TNFAIP8: variants seen among roughly 807,000 people sequenced by gnomAD.
TNFAIP8 encodes the protein tumor necrosis factor alpha-induced protein 8.
TNFAIP8 carries 7 observed loss-of-function variants against 13.3 expected under a neutral mutation model. The observed-to-expected ratio is 0.52, with a 90% CI of 0.30 to 0.99. The LOEUF is 0.99. Ranked by LOEUF, TNFAIP8 falls within the 50% of genes least tolerant of loss-of-function variation. The probability of loss-of-function intolerance (pLI) is 0.07; values close to 1 mark genes in which losing one functional copy is unlikely to be tolerated. For synonymous variants in TNFAIP8, 94 were observed against 87.6 expected (o/e 1.07, Z -0.41); for missense variants, 258 against 236.9 (o/e 1.09, Z -0.58).
rs1753097263 is a variant in TNFAIP8, at chr5:119,397,253, T to C, written c.*3872T>C. On this transcript the variant is annotated 3_prime_UTR_variant, in exon 2 of 2. Coordinates refer to ENST00000504771, the MANE Select transcript of TNFAIP8 (RefSeq NM_014350.4). ...TTTAATTTATCCTTGAGATACTTGA[T>C]GAGTGTATATAAGCAGTTGCAATTT... 2.0e-5 allele frequency: 3 copies of C among 152,118 alleles called. No homozygotes were observed. The highest frequency in any genetic ancestry group is 1.3e-4 in the Admixed American group (2 of 15,264). The allele number at this position is 152,118 out of a possible 1,614,324, so 9.4% of individuals were successfully genotyped here. A position where few individuals can be genotyped will look rare whatever the true frequency, so the allele number is the denominator to read the frequency against.
chr5:119,391,042 G>A (rs2112865057), intron 1 of TNFAIP8, among the ~76,000 whole-genome samples: 1 of 150,074 alleles, frequency 6.7e-6, no homozygotes, highest in East Asian at 2.0e-4. Context: ...TGTTGCCCAG[G>A]CTGGTGTCAA....
Position 119,299,630 on chromosome 5 carries a change from C to G in TNFAIP8, c.1+30723C>G, listed in dbSNP as rs541949934. Among the ~76,000 whole-genome samples the G allele has an allele frequency of 6.0e-4, 91 of 152,302 alleles. 1 individual carries two copies. The highest frequency in any genetic ancestry group is 1.3e-3 in the Admixed American group (20 of 15,294). The stretch of plus-strand genomic sequence containing the variant: ...GCTGTGTGCTGGGAGAACCACTGCT[C>G]TCTTCAAAGCTGTCAGACAGGGACT... On this transcript the variant is annotated intron_variant, in intron 1 of 1. Coordinates refer to the TNFAIP8 transcript ENST00000274456.
At chr5:119,368,298 TTGCTTTATGACTTAAAAA>T (rs1751940772) in intron 1 of TNFAIP8, among the ~76,000 whole-genome samples, 1 of 152,164 alleles carries the variant, frequency 6.6e-6, no homozygotes, top group Admixed American at 6.5e-5. Context: ...CCTACAGTTA[TTGCTTTATGACTTAAAAA>T]GTAAGTTCAT....
intron 1 of TNFAIP8, among the ~76,000 whole-genome samples, chr5:119,340,031 C>T (rs1177732020): frequency 6.6e-6 from 1 of 152,136 alleles, no homozygotes; most frequent in African/African-American, 2.4e-5. Flanking sequence ...CTGTCTAGAG[C>T]AGGGGAAGGG....
chr5:119,314,083 C>G lies in TNFAIP8; in HGVS notation c.1+45176C>G, dbSNP rs554692352. Reference sequence around the variant, plus strand: ...TGACACATGCCTGGCATTACAATCCCAGCTACTTGGGTGGCTGAGGCAGGA... The same window carrying G: ...TGACACATGCCTGGCATTACAATCCGAGCTACTTGGGTGGCTGAGGCAGGA... On this transcript the variant is annotated intron_variant, in intron 1 of 1. Transcript: ENST00000274456. 1.2e-4 allele frequency among the ~76,000 whole-genome samples: 19 copies of G among 152,290 alleles called. No homozygotes were observed. In the East Asian group the frequency reaches 3.7e-3, roughly 29 times the overall value.
At chr5:119,353,359 G>A (rs1357465763), upstream of TNFAIP8, among the ~76,000 whole-genome samples, 1 of 152,272 alleles carries the variant, frequency 6.6e-6, no homozygotes, top group East Asian at 1.9e-4. Context: ...GGGAGCCCTA[G>A]AGAATCAGCT....
chr5:119,364,354 C>A (rs1253062311), intron 1 of TNFAIP8, among the ~76,000 whole-genome samples: 1 of 152,146 alleles, frequency 6.6e-6, no homozygotes, highest in Non-Finnish European at 1.5e-5. Flanking sequence ...CCAAATATTA[C>A]AACAAAAGAT....
At chr5:119,380,012 A>G (rs549263693) in intron 1 of TNFAIP8, among the ~76,000 whole-genome samples, 3 of 152,302 alleles carry the variant, frequency 2.0e-5, no homozygotes, top group African/African-American at 7.2e-5. Context: ...TTTATAAACA[A>G]TGAACATTAT....
intron 1 of TNFAIP8, among the ~76,000 whole-genome samples, chr5:119,346,615 C>T (rs1180716542): frequency 1.3e-5 from 2 of 152,160 alleles, no homozygotes; most frequent in Non-Finnish European, 2.9e-5. Context: ...TCAACTAATA[C>T]TTGCCTTTTA....
At chr5:119,282,341 T>C (rs966059457) in intron 1 of TNFAIP8, among the ~76,000 whole-genome samples, 5 of 152,240 alleles carry the variant, frequency 3.3e-5, no homozygotes, top group African/African-American at 1.2e-4. Context: ...GGATGTGGGC[T>C]TTTTTCTTTT....
intron 1 of TNFAIP8, among the ~76,000 whole-genome samples, chr5:119,375,412 T>C (rs1480909032): frequency 4.6e-5 from 7 of 152,230 alleles, no homozygotes; most frequent in African/African-American, 9.6e-5. Flanking sequence ...GCTGCTCAAG[T>C]ATTTTAGAGA....
rs1211510498 is a variant in TNFAIP8, at chr5:119,396,787, G to C, written c.*3406G>C. The C allele has an allele frequency of 2.6e-5, 4 of 152,150 alleles. No individual in the cohort carries two copies. Among genetic ancestry groups the C allele is most frequent in the South Asian group, 4.1e-4 (2 of 4,824 alleles). The allele number at this position is 152,150 out of a possible 1,614,324, so 9.4% of individuals were successfully genotyped here. ...GTGGGAGGATCACTTGAGGTGAGGA[G>C]TTCGAGACCAGCCTGGCCAACGTGG... On this transcript the variant is annotated 3_prime_UTR_variant, in exon 2 of 2. Coordinates refer to ENST00000504771, the MANE Select transcript of TNFAIP8 (RefSeq NM_014350.4).
At chr5:119,339,817 A>T (rs1750677018) in intron 1 of TNFAIP8, among the ~76,000 whole-genome samples, 1 of 152,194 alleles carries the variant, frequency 6.6e-6, no homozygotes, top group South Asian at 2.1e-4. Context: ...ATAAGGCCAT[A>T]TGTTTCTGCA....
At chr5:119,392,769 G>T in intron 1 of TNFAIP8, 47 bp from the exon 2 acceptor site, 2 of 1,480,380 alleles carry the variant, frequency 1.4e-6, no homozygotes, top group East Asian at 2.5e-5. Context: ...TTCACTTGCT[G>T]ATATTTACTA....
chr5:119,324,266 C>T lies in TNFAIP8; in HGVS notation c.1+55359C>T, dbSNP rs188471239. On this transcript the variant is annotated intron_variant, in intron 1 of 1. Coordinates refer to the TNFAIP8 transcript ENST00000274456. ...CTCCAGCCTGAGCCACAAAGCAAGACGCCATCTCAAAAAAAAAAAAAAAAA... is the reference window on the plus strand; with the variant it reads ...CTCCAGCCTGAGCCACAAAGCAAGATGCCATCTCAAAAAAAAAAAAAAAAA... Among the ~76,000 whole-genome samples, 544 of 88,862 alleles carry T rather than the reference C, an allele frequency of 6.1e-3. 7 individuals carry two copies. Among genetic ancestry groups the T allele is most frequent in the African/African-American group, 0.022 (532 of 23,724 alleles). 58.3% of individuals were successfully genotyped at this position (88,862 alleles called of 152,430 possible). A position where few individuals can be genotyped will look rare whatever the true frequency, so the allele number is the denominator to read the frequency against.
chr5:119,367,717 T>C (rs1216193856), intron 1 of TNFAIP8, among the ~76,000 whole-genome samples: 1 of 152,214 alleles, frequency 6.6e-6, no homozygotes, highest in Non-Finnish European at 1.5e-5. Flanking sequence ...AGTATAGATA[T>C]GACAAACCAG....
intron 1 of TNFAIP8, among the ~76,000 whole-genome samples, chr5:119,365,316 T>C (rs985880703): frequency 1.3e-5 from 2 of 152,212 alleles, no homozygotes; most frequent in Non-Finnish European, 2.9e-5. Flanking sequence ...TTTAGTCTTA[T>C]ACATATTAAC....
chr5:119,330,144 C>T (rs77051260), intron 1 of TNFAIP8, among the ~76,000 whole-genome samples: 6 of 151,936 alleles, frequency 3.9e-5, no homozygotes, highest in East Asian at 1.9e-4. Flanking sequence ...ATTCAGCATA[C>T]GAGGAGGGTA....
chr5:119,315,473 T>C (rs1749864977), intron 1 of TNFAIP8, among the ~76,000 whole-genome samples: 1 of 128,588 alleles, frequency 7.8e-6, no homozygotes, highest in Admixed American at 7.0e-5. Context: ...TTTTTTCTTA[T>C]CAAAAAAACA....
Sources: allele counts gnomAD v4.1 joint callset (sites outside exome capture counted in the v4.1 genomes callset), GRCh38; gene constraint gnomAD v4.1.1; transcripts MANE v1.5; gene names NCBI Gene and HGNC (gene_info 2026-07-23, HGNC 2026-07-21).